The following TEK variants were observed in gnomAD, a reference collection of about 807,000 sequenced individuals.
The protein encoded by TEK is TEK receptor tyrosine kinase.
TEK carries 43 observed loss-of-function variants against 131.8 expected under a neutral mutation model. That is an observed-to-expected ratio of 0.33 (90% CI 0.26 to 0.42). The LOEUF (loss-of-function observed/expected upper bound fraction) is 0.42, where lower values mean the gene tolerates loss of function less well. Ranked by LOEUF, TEK falls within the 10% of genes least tolerant of loss-of-function variation. The pLI is 1.00. For missense variants in TEK, 1,162 were observed against 1,384.4 expected, an observed-to-expected ratio of 0.84 and a Z score of 2.55; for synonymous variants, 580 against 491.6, an observed-to-expected ratio of 1.18 and a Z score of -2.38.
At chr9:27,138,695 C>T (rs1199011591) in intron 1 of TEK, among the ~76,000 whole-genome samples, 1 of 152,098 alleles carries the variant, frequency 6.6e-6, no homozygotes, top group Non-Finnish European at 1.5e-5. Flanking sequence ...CCACTTACAC[C>T]CAGCTGTTTT....
chr9:27,130,801 C>G (rs1267852286), intron 1 of TEK, among the ~76,000 whole-genome samples: 1 of 151,510 alleles, frequency 6.6e-6, no homozygotes, highest in Non-Finnish European at 1.5e-5. Flanking sequence ...GGTCTGACCT[C>G]GTGATTCACA....
rs555313698 is a variant in TEK at position 27,173,743 on chromosome 9, T to G, written c.901+381T>G. On this transcript the variant is annotated intron_variant, in intron 6 of 22. Coordinates refer to ENST00000380036, the MANE Select transcript of TEK (RefSeq NM_000459.5). ...GACTTGTTTTTTTTTTTTGGTTTTT[T>G]TTTTTTTTTTTTTTCAGTGAATCAT... Among the ~76,000 whole-genome samples the G allele has an allele frequency of 2.0e-4, 28 of 140,854 alleles. 1 individual carries two copies. The highest frequency in any genetic ancestry group is 6.8e-4 in the South Asian group (3 of 4,406). The allele number at this position is 140,854 out of a possible 152,430, so 92.4% of individuals were successfully genotyped here.
intron 2 of TEK, among the ~76,000 whole-genome samples, chr9:27,166,260 A>G (rs1823727135): frequency 6.6e-6 from 1 of 152,264 alleles, no homozygotes; most frequent in Non-Finnish European, 1.5e-5. Context: ...TAAACAGGCA[A>G]TGTTCTGGTA....
Position 27,125,618 on chromosome 9 carries a change from C to G in TEK, c.52+15976C>G, listed in dbSNP as rs74414119. ...TTCAAAAATGTGACAGCTGTGTGAC[C>G]TTGGGTAAGTTGTTTCACCTTTCTG... On this transcript the variant is annotated intron_variant, in intron 1 of 22. Coordinates refer to ENST00000380036, the MANE Select transcript of TEK (RefSeq NM_000459.5). Among the ~76,000 whole-genome samples the G allele has an allele frequency of 2.7e-3, 412 of 152,284 alleles. 2 individuals are homozygous for G. Among genetic ancestry groups the G allele is most frequent in the Middle Eastern group, 3.4e-3 (1 of 294 alleles).
At chr9:27,158,227 A>T (rs1823413369) in intron 2 of TEK, 85 bp downstream of exon 2, 1 of 1,487,134 alleles carries the variant, frequency 6.7e-7, no homozygotes, top group South Asian at 1.1e-5. Flanking sequence ...CCTCAGGGGC[A>T]GGGCATGCAC....
chr9:27,228,427 A>G (rs1826424065), intron 22 of TEK, 122 bp downstream of exon 22: 4 of 779,978 alleles, frequency 5.1e-6, no homozygotes, highest in Non-Finnish European at 6.4e-6. Flanking sequence ...GTATTATAGA[A>G]ACAAAGGATG....
At chr9:27,202,793 T>C in intron 12 of TEK, 27 bp from the exon 13 acceptor site, 1 of 1,608,772 alleles carries the variant, frequency 6.2e-7, no homozygotes. Context: ...ATATCTTAAG[T>C]GAATCTTTTT....
At chr9:27,112,417 A>G (rs1821381867) in intron 1 of TEK, among the ~76,000 whole-genome samples, 1 of 151,912 alleles carries the variant, frequency 6.6e-6, no homozygotes, top group Non-Finnish European at 1.5e-5. Flanking sequence ...CAGAGGGAGG[A>G]GCTTGCTTTT....
At chr9:27,182,586 C>G (rs896785325) in intron 7 of TEK, among the ~76,000 whole-genome samples, 17 of 152,118 alleles carry the variant, frequency 1.1e-4, no homozygotes, top group African/African-American at 3.4e-4. Flanking sequence ...CGATAAGAAA[C>G]AGTCTGTAGT....
chr9:27,205,905 C>T (rs1002316487), intron 14 of TEK, among the ~76,000 whole-genome samples: 15 of 152,194 alleles, frequency 9.9e-5, no homozygotes, highest in African/African-American at 1.2e-4. Context: ...TATCTGACTC[C>T]ATGCCAGAGC....
chr9:27,184,825 G>T (rs1163691732), intron 8 of TEK, among the ~76,000 whole-genome samples: 1 of 151,944 alleles, frequency 6.6e-6, no homozygotes, highest in Non-Finnish European at 1.5e-5. Context: ...ATCACTTTAG[G>T]CCAGAAATTT....
chr9:27,202,513 C>T (rs1825254317), intron 12 of TEK, among the ~76,000 whole-genome samples: 1 of 152,186 alleles, frequency 6.6e-6, no homozygotes. Flanking sequence ...TAAATGCCAG[C>T]CCTCAGAAGC....
At chr9:27,167,236 T>C (rs994969880) in intron 2 of TEK, among the ~76,000 whole-genome samples, 4 of 151,442 alleles carry the variant, frequency 2.6e-5, no homozygotes, top group Non-Finnish European at 5.9e-5. Context: ...TTTTATTTTA[T>C]TTTATTTTTG....
intron 7 of TEK, among the ~76,000 whole-genome samples, chr9:27,181,643 A>T (rs1439647816): frequency 1.3e-5 from 2 of 152,162 alleles, no homozygotes; most frequent in Non-Finnish European, 2.9e-5. Flanking sequence ...AGCCACCTCC[A>T]TTCATTTATA....
chr9:27,130,316 C>T (rs1822161506), intron 1 of TEK, among the ~76,000 whole-genome samples: 1 of 151,974 alleles, frequency 6.6e-6, no homozygotes. Flanking sequence ...AACTAATTTT[C>T]TGTTTGGAAA....
chr9:27,219,524 A>G (rs1206307830), intron 20 of TEK, among the ~76,000 whole-genome samples: 1 of 152,060 alleles, frequency 6.6e-6, no homozygotes, highest in Non-Finnish European at 1.5e-5. Context: ...CATTAGGACA[A>G]ATACCTAATG....
chr9:27,222,678 C>A (rs1826133507), intron 21 of TEK, among the ~76,000 whole-genome samples: 1 of 152,064 alleles, frequency 6.6e-6, no homozygotes, highest in Admixed American at 6.6e-5. Context: ...ATTTTGTCAC[C>A]ACCAGGCATA....
At chr9:27,150,288 A>G (rs868194433) in intron 1 of TEK, among the ~76,000 whole-genome samples, 4 of 152,072 alleles carry the variant, frequency 2.6e-5, no homozygotes, top group Non-Finnish European at 5.9e-5. Context: ...TCTCTTTTCT[A>G]TATGCCTCAG....
At chr9:27,176,306 G>A (rs1824169996) in intron 6 of TEK, among the ~76,000 whole-genome samples, 1 of 152,042 alleles carries the variant, frequency 6.6e-6, no homozygotes, top group African/African-American at 2.4e-5. Flanking sequence ...AAGAGAACAG[G>A]GGAATTCCAC....
Sources: gnomAD v4.1 joint callset for allele counts (sites outside exome capture counted in the v4.1 genomes callset) on GRCh38, gnomAD v4.1.1 for gene constraint, MANE v1.5 for transcripts, NCBI Gene and HGNC (gene_info 2026-07-23, HGNC 2026-07-21) for gene names.